DMD: variants seen among roughly 807,000 people sequenced by gnomAD.
DMD encodes the protein mutant dystrophin.
Under a neutral mutation model 330.1 loss-of-function variants are expected in DMD, and 63 were observed. The observed-to-expected ratio is 0.19, with a 90% CI of 0.16 to 0.24. DMD has a LOEUF of 0.24. Ranked by LOEUF, DMD falls within the 10% of genes least tolerant of loss-of-function variation. The probability of loss-of-function intolerance (pLI) is 1.00; values close to 1 mark genes in which losing one functional copy is unlikely to be tolerated. For missense variants in DMD, 3,344 were observed against 2,684.1 expected, an observed-to-expected ratio of 1.25 and a Z score of -5.43; for synonymous variants, 1,223 against 959.8, an observed-to-expected ratio of 1.27 and a Z score of -5.07.
At chrX:31,886,824 T>G (rs1357478426) in intron 47 of DMD, among the ~76,000 whole-genome samples, 1 of 111,750 alleles carries the variant, frequency 8.9e-6, no homozygotes, top group Non-Finnish European at 1.9e-5. Flanking sequence ...CTTTTAAAAT[T>G]TCAAAAAAAT....
At chrX:31,145,521 G>A (rs2036575130) in intron 76 of DMD, among the ~76,000 whole-genome samples, 1 of 111,086 alleles carries the variant, frequency 9.0e-6, no homozygotes, top group Non-Finnish European at 1.9e-5. Context: ...ATTTCTTTTG[G>A]GACATGACTT....
intron 7 of DMD, among the ~76,000 whole-genome samples, chrX:32,724,133 T>C (rs1209457227): frequency 8.9e-6 from 1 of 112,362 alleles, no homozygotes; most frequent in African/African-American, 3.2e-5. Context: ...GCAATTCTAC[T>C]TCTTGAGGAA....
intron 13 of DMD, among the ~76,000 whole-genome samples, chrX:32,576,340 C>G (rs1028951198): frequency 6.3e-5 from 7 of 111,327 alleles, no homozygotes; most frequent in Non-Finnish European, 1.3e-4. Flanking sequence ...AGTTGGGAAC[C>G]TTTTCACATA....
intron 52 of DMD, among the ~76,000 whole-genome samples, chrX:31,717,029 A>G (rs781370478): frequency 1.8e-5 from 2 of 111,086 alleles, no homozygotes; most frequent in Non-Finnish European, 3.8e-5. Context: ...CAAAATATTA[A>G]TATCTTTGAT....
chrX:31,357,654 AT>A lies in DMD; in HGVS notation c.9085-9021del, dbSNP rs1423517913. Among the ~76,000 whole-genome samples, 3 of 111,337 alleles carry A rather than the reference AT, an allele frequency of 2.7e-5. No individual in the cohort carries two copies. In the East Asian group the frequency reaches 8.5e-4, roughly 31 times the overall value. Reference sequence around the variant, plus strand: ...TTAAATCCCGTACCATCCTTGCAGCATTTCCAAAGCTTCCTGACCTTGACTC... The same window carrying A: ...TTAAATCCCGTACCATCCTTGCAGCATTCCAAAGCTTCCTGACCTTGACTC... On this transcript the variant is annotated intron_variant, in intron 60 of 78. Transcript: ENST00000357033.
At chrX:32,396,599 A>T (rs1416459557) in intron 30 of DMD, among the ~76,000 whole-genome samples, 1 of 109,064 alleles carries the variant, frequency 9.2e-6, no homozygotes, top group Non-Finnish European at 1.9e-5. Context: ...CACTTTGTAG[A>T]TGTTATCCTT....
chrX:31,482,996 G>A (rs2068434820), intron 57 of DMD, among the ~76,000 whole-genome samples: 2 of 109,070 alleles, frequency 1.8e-5, no homozygotes, highest in South Asian at 8.2e-4. Flanking sequence ...GACAGAAGGT[G>A]GAGATAATTG....
intron 2 of DMD, among the ~76,000 whole-genome samples, chrX:32,889,219 C>T (rs755102455): frequency 9.0e-6 from 1 of 111,077 alleles, no homozygotes; most frequent in South Asian, 3.8e-4. Flanking sequence ...AGCTAGCCAC[C>T]CAGTACCCAG....
chrX:32,520,625 T>C (rs1161324710), intron 17 of DMD, among the ~76,000 whole-genome samples: 2 of 111,737 alleles, frequency 1.8e-5, no homozygotes, highest in East Asian at 2.8e-4. Context: ...CCCTGCATGA[T>C]TGAGCCCCAG....
rs112421366 is a variant in DMD, at chrX:32,366,232, G to A, written c.4846-1033C>T. ...AAGCCCCTTTCCTGGTACATGGCAC[G>A]GCTGACAGACAATGTGGCCACTCGG... On this transcript the variant is annotated intron_variant, in intron 34 of 78. Transcript: ENST00000357033. 2.1e-3 allele frequency among the ~76,000 whole-genome samples: 239 copies of A among 112,134 alleles called. 1 individual carries two copies. Among genetic ancestry groups the A allele is most frequent in the African/African-American group, 6.5e-3 (202 of 30,927 alleles).
At chrX:32,511,414 C>T (rs188136558) in intron 18 of DMD, among the ~76,000 whole-genome samples, 57 of 104,237 alleles carry the variant, frequency 5.5e-4, no homozygotes, top group African/African-American at 1.9e-3. Context: ...CCCAGCTACT[C>T]GGGAGGCTGA....
intron 41 of DMD, among the ~76,000 whole-genome samples, chrX:32,327,195 CAAA>C (rs1180767804): frequency 8.0e-5 from 2 of 24,937 alleles, no homozygotes; most frequent in Non-Finnish European, 1.7e-4. Flanking sequence ...ACTAGGGGCA[CAAA>C]AAAAAAAAGA....
intron 55 of DMD, among the ~76,000 whole-genome samples, chrX:31,566,820 T>C (rs745432186): frequency 1.8e-5 from 2 of 112,259 alleles, no homozygotes; most frequent in South Asian, 7.3e-4. Flanking sequence ...ACATGTATGA[T>C]AGATTTATAC....
chrX:33,096,076 G>A (rs1329284343), intron 1 of DMD, among the ~76,000 whole-genome samples: 6 of 96,769 alleles, frequency 6.2e-5, no homozygotes, highest in African/African-American at 1.9e-4. Context: ...TTGGGCTCAC[G>A]CCATTCTCCT....
At chrX:32,883,299 CTTAT>C (rs2084138526) in intron 2 of DMD, among the ~76,000 whole-genome samples, 1 of 111,703 alleles carries the variant, frequency 9.0e-6, no homozygotes, top group African/African-American at 3.2e-5. Flanking sequence ...AATTGTGTAA[CTTAT>C]TTATTAAATT....
At chrX:33,147,601 G>A (rs1237972343) in intron 1 of DMD, among the ~76,000 whole-genome samples, 1 of 111,413 alleles carries the variant, frequency 9.0e-6, no homozygotes, top group African/African-American at 3.3e-5. Flanking sequence ...CACACACCAG[G>A]GAGTAATGAT....
chrX:32,390,454 T>C lies in DMD; in HGVS notation c.4234-273A>G, dbSNP rs182473961. 3.9e-4 allele frequency among the ~76,000 whole-genome samples: 43 copies of C among 109,721 alleles called. No homozygotes were observed. The East Asian group carries it at 0.011, about 27-fold the overall frequency. The stretch of plus-strand genomic sequence containing the variant: ...ATTTATTTCTTCCCTATGGGATTAT[T>C]ATGAAAAAAGCAATAATCATTTTGA... On this transcript the variant is annotated intron_variant, in intron 30 of 78. Transcript: ENST00000357033.
chrX:32,187,153 T>C (rs968786000), intron 44 of DMD, among the ~76,000 whole-genome samples: 27 of 111,123 alleles, frequency 2.4e-4, no homozygotes, highest in African/African-American at 8.1e-4. Context: ...TTGAAGATCA[T>C]CTCCTTGCTT....
chrX:32,207,154 A>G, intron 44 of DMD, among the ~76,000 whole-genome samples: 1 of 111,585 alleles, frequency 9.0e-6, no homozygotes, highest in Non-Finnish European at 1.9e-5. Flanking sequence ...TATCACTACT[A>G]TGGTTTCAAT....
Sources: allele counts gnomAD v4.1 joint callset (sites outside exome capture counted in the v4.1 genomes callset), GRCh38; gene constraint gnomAD v4.1.1; transcripts MANE v1.5; gene names NCBI Gene and HGNC (gene_info 2026-07-23, HGNC 2026-07-21).